The following PALS1 variants were observed in gnomAD, a reference collection of about 807,000 sequenced individuals.
PALS1 encodes protein PALS1.
Under a neutral mutation model 78.9 loss-of-function variants are expected in PALS1, and 31 were observed. The ratio of observed to expected loss-of-function variants is 0.39; its 90% CI spans 0.30 to 0.53. The LOEUF (loss-of-function observed/expected upper bound fraction) is 0.53. Among genes scored for constraint, PALS1 ranks in the 20% least tolerant of loss-of-function variants. The probability of loss-of-function intolerance (pLI) is 0.67; values close to 1 mark genes in which losing one functional copy is unlikely to be tolerated. For synonymous variants in PALS1, 276 were observed against 270.9 expected, an observed-to-expected ratio of 1.02 and a Z score of -0.18; for missense variants, 704 against 826.5, an observed-to-expected ratio of 0.85 and a Z score of 1.82.
At position 67,274,159 on chromosome 14, in the gene PALS1, G is replaced by A. The variant is rs139985779; in HGVS notation, c.-154+4376G>A. Among the ~76,000 whole-genome samples, 1,468 of 152,262 alleles carry A rather than the reference G, an allele frequency of 9.6e-3. 12 individuals are homozygous for A. The highest frequency in any genetic ancestry group is 0.014 in the Non-Finnish European group (985 of 68,014). On this transcript the variant is annotated intron_variant, in intron 2 of 14. Coordinates refer to ENST00000261681, the MANE Select transcript of PALS1 (RefSeq NM_022474.4). ...CCATTTGTCAATTTTGGGTTTTGTT[G>A]CCATTGCTTTTGGTGTTTTAGTCAT...
intron 3 of PALS1, among the ~76,000 whole-genome samples, chr14:67,284,429 T>TAAAAAAAAAAAAA (rs530863294): frequency 2.2e-5 from 2 of 92,678 alleles, no homozygotes; most frequent in African/African-American, 1.3e-4. Context: ...CCCTATCTCT[T>TAAAAAAAAAAAAA]AAAAAAAAAA....
Position 67,320,306 on chromosome 14 carries a change from C to A in PALS1, c.1446C>A (p.Ile482=). 1 of 1,613,914 alleles carries A rather than the reference C, an allele frequency of 6.2e-7. No homozygotes were observed. Among genetic ancestry groups the A allele is most frequent in the South Asian group, 1.1e-5 (1 of 91,052 alleles). The change falls in exon 12 of 15, where the codon ATC becomes ATA. Residue 482 remains isoleucine (I), a synonymous_variant. Coordinates refer to ENST00000261681, the MANE Select transcript of PALS1 (RefSeq NM_022474.4). ...AGCCAGCAAATAGGAAGAGACCTAT[C>A]ATCTTGATTGGTCCACAGAACTGTG... The part of the protein sequence containing the change: ...YHQPANRKRP[I]ILIGPQNCGQ...
chr14:67,296,321 C>T (rs1022003533), intron 4 of PALS1, among the ~76,000 whole-genome samples: 10 of 152,086 alleles, frequency 6.6e-5, no homozygotes, highest in Admixed American at 6.5e-4. Context: ...TGTCCAGACG[C>T]CGGATGCAGT....
chr14:67,274,942 A>G (rs1358783798), intron 2 of PALS1, among the ~76,000 whole-genome samples: 2 of 152,240 alleles, frequency 1.3e-5, no homozygotes, highest in South Asian at 2.1e-4. Flanking sequence ...TTGGTGTATA[A>G]GAATGCTTGT....
chr14:67,312,777 GA>G (rs1224998029), intron 9 of PALS1, 67 bp downstream of exon 9: 11 of 1,237,468 alleles, frequency 8.9e-6, no homozygotes, highest in Admixed American at 6.6e-5. Flanking sequence ...CCTTCACAAA[GA>G]AAAACTCACT....
chr14:67,311,221 G>A (rs940997748), intron 8 of PALS1, among the ~76,000 whole-genome samples: 5 of 145,082 alleles, frequency 3.4e-5, no homozygotes, highest in Non-Finnish European at 5.9e-5. Context: ...TCAGACAGGA[G>A]AATCACTTGA....
In PALS1 at chr14:67,317,468, A is replaced by G. The variant is rs531306493; in HGVS notation, c.1358A>G (p.Asn453Ser). 314 of 1,605,944 alleles carry G rather than the reference A, an allele frequency of 2.0e-4. 3 individuals are homozygous for G. The South Asian group carries it at 2.6e-3, about 13-fold the overall frequency. Residue 453 changes from asparagine to serine, a missense_variant, in exon 11 of 15, where the codon AAT becomes AGT. Physicochemically the swap from Asn to Ser is conservative, Grantham distance 46. Coordinates refer to ENST00000261681, the MANE Select transcript of PALS1 (RefSeq NM_022474.4). ...KKRKKVLYNA[N>S]KNDDYDNEEI... ...AGGAAAAAGGTTTTATATAATGCCAATAAAAATGATGGTAAGTTCTACTCT... is the reference window on the plus strand; with the variant it reads ...AGGAAAAAGGTTTTATATAATGCCAGTAAAAATGATGGTAAGTTCTACTCT...
intron 1 of PALS1, among the ~76,000 whole-genome samples, chr14:67,245,297 A>G (rs2083970945): frequency 1.3e-5 from 2 of 152,162 alleles, no homozygotes; most frequent in African/African-American, 2.4e-5. Flanking sequence ...CAGTTGCTTT[A>G]CATTCCTGTC....
intron 8 of PALS1, 86 bp from the exon 9 acceptor site, chr14:67,312,441 T>TA: frequency 1.0e-6 from 1 of 972,824 alleles, no homozygotes; most frequent in Non-Finnish European, 1.4e-6. Context: ...TAAAAAATAA[T>TA]AAAAAATTTG....
chr14:67,320,931 G>A (rs945521545), intron 12 of PALS1, 126 bp from the exon 13 acceptor site: 2 of 761,178 alleles, frequency 2.6e-6, no homozygotes, highest in African/African-American at 3.5e-5. Context: ...TAGGCACTTA[G>A]CATTTTCTCA....
At chr14:67,302,960 A>G (rs2084951226) in intron 7 of PALS1, among the ~76,000 whole-genome samples, 1 of 152,198 alleles carries the variant, frequency 6.6e-6, no homozygotes, top group Non-Finnish European at 1.5e-5. Context: ...TTTTCCTAAT[A>G]ATATTAGATA....
At chr14:67,265,933 G>A (rs2084315545) in intron 1 of PALS1, among the ~76,000 whole-genome samples, 1 of 151,418 alleles carries the variant, frequency 6.6e-6, no homozygotes, top group African/African-American at 2.4e-5. Flanking sequence ...TTAAAGGACT[G>A]TATCTGTCCA....
intron 2 of PALS1, among the ~76,000 whole-genome samples, chr14:67,273,661 T>C (rs148186315): frequency 0.011 from 1,651 of 152,292 alleles, 34 homozygotes; most frequent in African/African-American, 0.037. Context: ...CTGGGTCAAA[T>C]GGTATTTCTA....
chr14:67,322,285 T>C (rs2085273947), intron 13 of PALS1, among the ~76,000 whole-genome samples: 1 of 152,168 alleles, frequency 6.6e-6, no homozygotes, highest in African/African-American at 2.4e-5. Flanking sequence ...GAGGCGGAGA[T>C]TGCAGTGAGC....
chr14:67,254,512 G>T (rs1052489002), intron 1 of PALS1, among the ~76,000 whole-genome samples: 1 of 152,066 alleles, frequency 6.6e-6, no homozygotes, highest in African/African-American at 2.4e-5. Flanking sequence ...CTCTAAACCT[G>T]TTGACATTTG....
chr14:67,278,819 G>A (rs1465248607), intron 2 of PALS1, among the ~76,000 whole-genome samples, 199 bp from the exon 3 acceptor site: 1 of 152,018 alleles, frequency 6.6e-6, no homozygotes, highest in African/African-American at 2.4e-5. Context: ...CACATTTTTG[G>A]AAAGGGACTT....
chr14:67,247,423 T>C (rs1231768482), intron 1 of PALS1, among the ~76,000 whole-genome samples: 1 of 152,126 alleles, frequency 6.6e-6, no homozygotes, highest in Non-Finnish European at 1.5e-5. Context: ...TTTAGTAATT[T>C]TTTTTGGAAT....
chr14:67,279,106 T>A lies in PALS1; in HGVS notation c.-65T>A. The A allele has an allele frequency of 1.4e-6, 2 of 1,393,434 alleles. No homozygotes were observed. The highest frequency in any genetic ancestry group is 1.6e-5 in the South Asian group (1 of 62,450). The allele number at this position is 1,393,434 out of a possible 1,614,324, so 86.3% of individuals were successfully genotyped here. On this transcript the variant is annotated 5_prime_UTR_variant, in exon 3 of 15. Transcript: ENST00000261681. ...GTAACATGGATTTTATACTACAGAA[T>A]CAAGAGAATTGGCTTATAGGAAAAA...
intron 3 of PALS1, among the ~76,000 whole-genome samples, chr14:67,288,709 G>A (rs2084727314): frequency 6.6e-6 from 1 of 151,916 alleles, no homozygotes. Flanking sequence ...GAATTCTTTG[G>A]TAACCTCATT....
Sources: allele counts gnomAD v4.1 joint callset (sites outside exome capture counted in the v4.1 genomes callset), GRCh38; gene constraint gnomAD v4.1.1; transcripts MANE v1.5; gene names NCBI Gene and HGNC (gene_info 2026-07-23, HGNC 2026-07-21).